Variants in IQSEC1 observed in about 807,000 individuals in gnomAD.
The protein encoded by IQSEC1 is IQ motif and SEC7 domain-containing protein 1.
In IQSEC1, 31 loss-of-function variants were observed where a neutral mutation model predicts 91.0. That is an observed-to-expected ratio of 0.34 (90% CI 0.26 to 0.46). IQSEC1 has a LOEUF of 0.46. IQSEC1 is among the 20% of genes least tolerant of loss of function. IQSEC1 has a pLI of 1.00. For synonymous variants in IQSEC1, 699 were observed against 662.6 expected, an observed-to-expected ratio of 1.05 and a Z score of -0.84; for missense variants, 1,388 against 1,575.6, an observed-to-expected ratio of 0.88 and a Z score of 2.02.
At chr3:12,933,262 AGGCCTGC>A (rs1697860593) in intron 3 of IQSEC1, among the ~76,000 whole-genome samples, 2 of 152,208 alleles carry the variant, frequency 1.3e-5, no homozygotes, top group Admixed American at 6.5e-5. Context: ...TATGATCTAG[AGGCCTGC>A]CAGGTGTGTG....
intron 1 of IQSEC1, among the ~76,000 whole-genome samples, chr3:12,998,436 C>T (rs1466556645): frequency 6.6e-6 from 1 of 152,022 alleles, no homozygotes; most frequent in African/African-American, 2.4e-5. Context: ...GAACAATCCC[C>T]AAGATATTTT....
At chr3:12,918,692 C>T (rs1260706943) in intron 6 of IQSEC1, among the ~76,000 whole-genome samples, 2 of 152,046 alleles carry the variant, frequency 1.3e-5, no homozygotes, top group Non-Finnish European at 2.9e-5. Context: ...CATGGCAGTT[C>T]GCGCCTGTGG....
chr3:13,106,597 G>A (rs1468280425), intron 2 of IQSEC1, among the ~76,000 whole-genome samples: 1 of 152,192 alleles, frequency 6.6e-6, no homozygotes, highest in Non-Finnish European at 1.5e-5. Context: ...AGAGCTCCCT[G>A]CCCTTAACCC....
chr3:13,247,549 T>C (rs1366889444), intron 1 of IQSEC1, among the ~76,000 whole-genome samples: 3 of 152,192 alleles, frequency 2.0e-5, no homozygotes, highest in Non-Finnish European at 4.4e-5. Context: ...GGCTCTCTCC[T>C]TCTTTTCTTC....
chr3:13,072,385 C>T (rs1354068598), intron 1 of IQSEC1, among the ~76,000 whole-genome samples: 1 of 152,242 alleles, frequency 6.6e-6, no homozygotes, highest in Non-Finnish European at 1.5e-5. Flanking sequence ...TCCATAAATA[C>T]CCGGGCCCGT....
chr3:13,224,379 T>C (rs1272276683), intron 1 of IQSEC1, among the ~76,000 whole-genome samples: 5 of 151,936 alleles, frequency 3.3e-5, no homozygotes, highest in Admixed American at 1.3e-4. Context: ...TGGGGATCAA[T>C]GTGGGCATCA....
chr3:13,132,931 G>A (rs770256649), intron 2 of IQSEC1, among the ~76,000 whole-genome samples: 2 of 152,220 alleles, frequency 1.3e-5, no homozygotes, highest in African/African-American at 2.4e-5. Context: ...TCTCTGCTGA[G>A]TACAGGAAGT....
intron 1 of IQSEC1, among the ~76,000 whole-genome samples, chr3:12,946,645 TG>T (rs1465220395): frequency 6.6e-6 from 1 of 152,126 alleles, no homozygotes; most frequent in African/African-American, 2.4e-5. Flanking sequence ...AACATCAAAA[TG>T]GGGTAAAGAT....
chr3:13,071,227 C>G (rs1705415308), intron 1 of IQSEC1, among the ~76,000 whole-genome samples: 2 of 151,376 alleles, frequency 1.3e-5, no homozygotes, highest in Admixed American at 1.3e-4. Flanking sequence ...ACAACCCCCA[C>G]CCCAGGCTAG....
rs898832479 is a variant in IQSEC1, at chr3:12,930,230, C to T, written c.1568+5218G>A. On this transcript the variant is annotated intron_variant, in intron 3 of 13. Coordinates refer to ENST00000613206, the MANE Select transcript of IQSEC1 (RefSeq NM_001134382.3). ...GGTCTCACTATGTTGTCTAGACTGG[C>T]CTCAAACTCCTAGTTTCAAGTGATC... 2.6e-5 allele frequency among the ~76,000 whole-genome samples: 4 copies of T among 152,192 alleles called. No individual in the cohort carries two copies. In the East Asian group the frequency reaches 7.7e-4, roughly 29 times the overall value.
rs62234219 is a variant in IQSEC1 at position 13,168,130 on chromosome 3, C to T, written c.273-3997G>A. Reference sequence around the variant, plus strand: ...GGACATCCAAGCTCGGTCCTGGACTCTGAGTCAAAATACATGGAAATAAAT... The same window carrying T: ...GGACATCCAAGCTCGGTCCTGGACTTTGAGTCAAAATACATGGAAATAAAT... On this transcript the variant is annotated intron_variant, in intron 1 of 15. Coordinates refer to the IQSEC1 transcript ENST00000648114. 4.5e-3 allele frequency among the ~76,000 whole-genome samples: 692 copies of T among 152,304 alleles called. 5 individuals are homozygous for T. The highest frequency in any genetic ancestry group is 7.9e-3 in the Non-Finnish European group (537 of 68,018).
chr3:13,112,312 GC>G (rs774624254), intron 2 of IQSEC1, among the ~76,000 whole-genome samples: 2 of 152,240 alleles, frequency 1.3e-5, no homozygotes, highest in African/African-American at 2.4e-5. Flanking sequence ...TCACTAGCCA[GC>G]CCAGCCAAAC....
At chr3:13,200,401 G>C (rs1576292609) in intron 1 of IQSEC1, among the ~76,000 whole-genome samples, 1 of 152,208 alleles carries the variant, frequency 6.6e-6, no homozygotes, top group Non-Finnish European at 1.5e-5. Flanking sequence ...TTCGACTTGA[G>C]CGGCCTCTCC....
rs10553726 is a variant in IQSEC1 at position 13,000,948 on chromosome 3, C to CTT, written c.24-59085_24-59084dup. Among the ~76,000 whole-genome samples the CTT allele has an allele frequency of 1.9e-3, 234 of 121,914 alleles. 2 individuals carry two copies. The highest frequency in any genetic ancestry group is 4.8e-3 in the African/African-American group (150 of 31,568). The allele number at this position is 121,914 out of a possible 152,430, so 80.0% of individuals were successfully genotyped here. Reference sequence around the variant, plus strand: ...TGGGGAGTGACTTACCCAAGTGAGTCTTTTTTTTTTTTTTTTTTTTGAGAC... The same window carrying CTT: ...TGGGGAGTGACTTACCCAAGTGAGTCTTTTTTTTTTTTTTTTTTTTTTGAGAC... On this transcript the variant is annotated intron_variant, in intron 1 of 13. Transcript: ENST00000613206.
intron 1 of IQSEC1, among the ~76,000 whole-genome samples, chr3:13,257,740 G>C (rs1181186294): frequency 3.9e-5 from 6 of 152,228 alleles, no homozygotes; most frequent in Non-Finnish European, 5.9e-5. Flanking sequence ...AAACGGCACA[G>C]CCACTTTGGA....
At chr3:13,251,239 C>T (rs1164546580) in intron 1 of IQSEC1, among the ~76,000 whole-genome samples, 2 of 152,224 alleles carry the variant, frequency 1.3e-5, no homozygotes, top group Admixed American at 6.5e-5. Flanking sequence ...AACATGCCAA[C>T]ACCACCTACC....
chr3:13,266,313 A>G (rs1365332081), intron 1 of IQSEC1, among the ~76,000 whole-genome samples: 1 of 152,240 alleles, frequency 6.6e-6, no homozygotes, highest in Non-Finnish European at 1.5e-5. Flanking sequence ...TCCATGTGGC[A>G]TCAAGCAGCC....
intron 2 of IQSEC1, among the ~76,000 whole-genome samples, chr3:13,111,788 A>G (rs1396793158): frequency 6.6e-6 from 1 of 152,160 alleles, no homozygotes; most frequent in African/African-American, 2.4e-5. Context: ...TGAACCAGGA[A>G]AAAGGCACTC....
chr3:13,235,186 C>T (rs1346621005), intron 1 of IQSEC1, among the ~76,000 whole-genome samples: 2 of 152,170 alleles, frequency 1.3e-5, no homozygotes, highest in Non-Finnish European at 2.9e-5. Context: ...GTGGGGCTGC[C>T]CCGTCTCACA....
Sources: allele counts gnomAD v4.1 joint callset (sites outside exome capture counted in the v4.1 genomes callset), GRCh38; gene constraint gnomAD v4.1.1; transcripts MANE v1.5; gene names NCBI Gene and HGNC (gene_info 2026-07-23, HGNC 2026-07-21).